Variants in DDAH1 observed in about 807,000 individuals in gnomAD.
DDAH1 encodes the protein dimethylarginine dimethylaminohydrolase 1.
A neutral mutation model predicts 28.8 loss-of-function variants in DDAH1; 19 were observed. That is an observed-to-expected ratio of 0.66 (90% CI 0.46 to 0.97). The LOEUF (loss-of-function observed/expected upper bound fraction) is 0.97. DDAH1 is among the 50% of genes least tolerant of loss of function. The pLI, the probability that DDAH1 is intolerant of heterozygous loss-of-function variation, is 0.00. For missense variants in DDAH1, 326 were observed against 375.9 expected, an observed-to-expected ratio of 0.87 and a Z score of 1.10; for synonymous variants, 153 against 154.4, an observed-to-expected ratio of 0.99 and a Z score of 0.07.
upstream of DDAH1, among the ~76,000 whole-genome samples, chr1:85,466,665 G>T (rs1655392786): frequency 6.6e-6 from 1 of 152,014 alleles, no homozygotes. Context: ...AATTCTTAGG[G>T]GATCCAGGCA....
chr1:85,398,925 T>A (rs1651938847), intron 1 of DDAH1: 2 of 152,148 alleles, frequency 1.3e-5, no homozygotes, highest in Non-Finnish European at 2.9e-5. Context: ...ATCCCTAATA[T>A]CCCTAATGCA....
At chr1:85,368,569 C>A (rs1424102074) in intron 1 of DDAH1, among the ~76,000 whole-genome samples, 1 of 152,078 alleles carries the variant, frequency 6.6e-6, no homozygotes, top group Non-Finnish European at 1.5e-5. Flanking sequence ...CGGTTCAATT[C>A]CTTGTTGACG....
chr1:85,419,334 T>A (rs1292390019), intron 1 of DDAH1, among the ~76,000 whole-genome samples: 2 of 151,506 alleles, frequency 1.3e-5, no homozygotes, highest in Admixed American at 1.3e-4. Flanking sequence ...AGGTCAGGAG[T>A]TCGAGACCAC....
intron 1 of DDAH1, among the ~76,000 whole-genome samples, chr1:85,511,930 G>A (rs1275165888): frequency 6.6e-6 from 1 of 152,174 alleles, no homozygotes; most frequent in African/African-American, 2.4e-5. Context: ...ACAAAGAGGA[G>A]CTAGCACCAT....
At chr1:85,484,280 T>G (rs1656116932) in intron 2 of DDAH1, among the ~76,000 whole-genome samples, 1 of 150,914 alleles carries the variant, frequency 6.6e-6, no homozygotes, top group Non-Finnish European at 1.5e-5. Context: ...GTTTAATATA[T>G]AATATATTTA....
intron 1 of DDAH1, among the ~76,000 whole-genome samples, chr1:85,375,516 G>C (rs1650612907): frequency 1.3e-5 from 2 of 152,140 alleles, no homozygotes. Flanking sequence ...GGGAAAAAGA[G>C]CAGAACAGAC....
At chr1:85,477,815 A>G (rs1655854755) in intron 2 of DDAH1, among the ~76,000 whole-genome samples, 1 of 152,148 alleles carries the variant, frequency 6.6e-6, no homozygotes, top group African/African-American at 2.4e-5. Flanking sequence ...CAACCATCAA[A>G]TTAGCATATG....
At chr1:85,541,350 C>A (rs1658466076) in intron 1 of DDAH1, among the ~76,000 whole-genome samples, 1 of 152,216 alleles carries the variant, frequency 6.6e-6, no homozygotes, top group Non-Finnish European at 1.5e-5. Flanking sequence ...GTCCTGTGTG[C>A]TAAAATGGAA....
intron 2 of DDAH1, chr1:85,495,661 A>T (rs879936864): frequency 6.6e-6 from 1 of 152,208 alleles, no homozygotes; most frequent in Admixed American, 6.5e-5. Flanking sequence ...TTTCCATATC[A>T]TTCATTAAGG....
chr1:85,374,761 A>G (rs1320918329), intron 1 of DDAH1, among the ~76,000 whole-genome samples: 1 of 152,154 alleles, frequency 6.6e-6, no homozygotes, highest in African/African-American at 2.4e-5. Flanking sequence ...ATAGTTAAAT[A>G]GAACACAGGG....
At chr1:85,507,820 A>G (rs1657077899) in intron 1 of DDAH1, among the ~76,000 whole-genome samples, 1 of 152,192 alleles carries the variant, frequency 6.6e-6, no homozygotes, top group Non-Finnish European at 1.5e-5. Flanking sequence ...TTTTGGAGGA[A>G]TAAAAAGAAA....
intron 1 of DDAH1, among the ~76,000 whole-genome samples, chr1:85,553,652 C>T (rs1015419988): frequency 1.3e-4 from 20 of 152,212 alleles, no homozygotes; most frequent in African/African-American, 4.8e-4. Flanking sequence ...AGGTCAGAGG[C>T]ATGAACAGAT....
At chr1:85,449,745 G>A (rs1654583310) in intron 1 of DDAH1, among the ~76,000 whole-genome samples, 1 of 152,140 alleles carries the variant, frequency 6.6e-6, no homozygotes, top group African/African-American at 2.4e-5. Context: ...GTGGGTGAAA[G>A]TCCAAGCAGG....
At chr1:85,403,911 A>G (rs1312596046) in intron 1 of DDAH1, among the ~76,000 whole-genome samples, 3 of 152,198 alleles carry the variant, frequency 2.0e-5, no homozygotes, top group African/African-American at 7.2e-5. Flanking sequence ...CTGTGTGCTT[A>G]CTTACAAATG....
At chr1:85,413,836 A>G (rs1445341682) in intron 1 of DDAH1, among the ~76,000 whole-genome samples, 1 of 152,262 alleles carries the variant, frequency 6.6e-6, no homozygotes, top group Non-Finnish European at 1.5e-5. Flanking sequence ...AGACAAAAAC[A>G]GTAACTGAAT....
intron 1 of DDAH1, among the ~76,000 whole-genome samples, chr1:85,377,519 G>A (rs1650735750): frequency 1.3e-5 from 2 of 152,040 alleles, no homozygotes; most frequent in African/African-American, 4.8e-5. Context: ...GAAGACCATG[G>A]TACTCTGATA....
chr1:85,577,064 G>A (rs1236035603), intron 1 of DDAH1, among the ~76,000 whole-genome samples: 1 of 152,022 alleles, frequency 6.6e-6, no homozygotes, highest in South Asian at 2.1e-4. Context: ...TGCGCCGCGC[G>A]CCGCCGGAAA....
intron 1 of DDAH1, among the ~76,000 whole-genome samples, chr1:85,369,162 A>G (rs746217073): frequency 1.3e-5 from 2 of 149,678 alleles, no homozygotes; most frequent in South Asian, 2.1e-4. Context: ...CCTGGCTCAA[A>G]CAATCCTCCC....
chr1:85,515,743 A>G (rs1371442797), intron 1 of DDAH1, among the ~76,000 whole-genome samples: 6 of 152,176 alleles, frequency 3.9e-5, no homozygotes, highest in Admixed American at 3.9e-4. Context: ...GGAGGAAAGA[A>G]AAACAAATTT....
Sources: allele counts gnomAD v4.1 joint callset (sites outside exome capture counted in the v4.1 genomes callset), GRCh38; gene constraint gnomAD v4.1.1; transcripts MANE v1.5; gene names NCBI Gene and HGNC (gene_info 2026-07-23, HGNC 2026-07-21).